Variants in NEO1 observed in about 807,000 individuals in gnomAD.
NEO1 encodes neogenin.
Under a neutral mutation model 159.7 loss-of-function variants are expected in NEO1, and 63 were observed. The observed-to-expected ratio is 0.39, with a 90% CI of 0.32 to 0.49. The LOEUF (loss-of-function observed/expected upper bound fraction) is 0.49. NEO1 is among the 20% of genes least tolerant of loss of function. The pLI, the probability that NEO1 is intolerant of heterozygous loss-of-function variation, is 0.85. For missense variants in NEO1, 1,615 were observed against 1,831.0 expected (o/e 0.88, Z 2.15); for synonymous variants, 633 against 662.0 (o/e 0.96, Z 0.67).
chr15:73,075,610 A>G (rs747139960), intron 1 of NEO1, among the ~76,000 whole-genome samples: 8 of 151,628 alleles, frequency 5.3e-5, no homozygotes, highest in Non-Finnish European at 8.8e-5. Flanking sequence ...TGTCCATTTG[A>G]TAGAGACACT....
intron 7 of NEO1, among the ~76,000 whole-genome samples, chr15:73,218,162 T>C (rs1411028911): frequency 6.6e-6 from 1 of 152,224 alleles, no homozygotes; most frequent in East Asian, 1.9e-4. Context: ...TCAAAGGCCT[T>C]TTCTGCATCT....
chr15:73,123,631 T>G (rs1354091449), intron 3 of NEO1, among the ~76,000 whole-genome samples: 1 of 152,134 alleles, frequency 6.6e-6, no homozygotes, highest in African/African-American at 2.4e-5. Context: ...CATAATCAAT[T>G]TTGTATATCT....
chr15:73,055,762 G>A (rs1038503816), intron 1 of NEO1, among the ~76,000 whole-genome samples: 1 of 152,128 alleles, frequency 6.6e-6, no homozygotes, highest in Non-Finnish European at 1.5e-5. Context: ...GTCTCATGTT[G>A]TTGGAAGGAT....
intron 4 of NEO1, among the ~76,000 whole-genome samples, chr15:73,132,378 TGA>T (rs1312448746): frequency 6.6e-6 from 1 of 152,198 alleles, no homozygotes; most frequent in African/African-American, 2.4e-5. Flanking sequence ...TCACGAAGTC[TGA>T]GTGTGTCATT....
chr15:73,272,384 G>A (rs1282994846), intron 18 of NEO1, 71 bp from the exon 19 acceptor site: 7 of 1,173,000 alleles, frequency 6.0e-6, no homozygotes, highest in East Asian at 2.5e-5. Flanking sequence ...CCTTACAAGT[G>A]GAAAAGGTTG....
chr15:73,150,419 C>T (rs991748919), intron 5 of NEO1, among the ~76,000 whole-genome samples: 1 of 152,068 alleles, frequency 6.6e-6, no homozygotes, highest in African/African-American at 2.4e-5. Context: ...TTGTGTTAGA[C>T]ATTTTTCATA....
At chr15:73,130,553 A>G (rs1240448066) in intron 4 of NEO1, among the ~76,000 whole-genome samples, 2 of 152,104 alleles carry the variant, frequency 1.3e-5, no homozygotes, top group Non-Finnish European at 2.9e-5. Flanking sequence ...GCCCCACCCT[A>G]CCATGCCAGT....
chr15:73,221,340 G>C (rs1361852026), intron 7 of NEO1, among the ~76,000 whole-genome samples: 2 of 152,210 alleles, frequency 1.3e-5, no homozygotes, highest in Non-Finnish European at 2.9e-5. Flanking sequence ...GCCCCTACTG[G>C]AGGGTGCCTC....
At chr15:73,248,022 C>G (rs1029441673) in intron 9 of NEO1, among the ~76,000 whole-genome samples, 1 of 152,164 alleles carries the variant, frequency 6.6e-6, no homozygotes, top group Non-Finnish European at 1.5e-5. Flanking sequence ...GGGTCCACCG[C>G]TAGCTAACTT....
intron 28 of NEO1, among the ~76,000 whole-genome samples, chr15:73,302,339 G>A (rs1465063490): frequency 6.6e-6 from 1 of 152,232 alleles, no homozygotes; most frequent in Non-Finnish European, 1.5e-5. Context: ...AGACCTAGAA[G>A]GGGCAAGCAG....
intron 15 of NEO1, 88 bp from the exon 16 acceptor site, chr15:73,266,228 T>G: frequency 1.0e-6 from 1 of 967,986 alleles, no homozygotes; most frequent in South Asian, 1.9e-5. Context: ...TCTTGAATTC[T>G]TCTGTGGTTA....
intron 6 of NEO1, among the ~76,000 whole-genome samples, chr15:73,177,050 T>C (rs1327177635): frequency 6.6e-6 from 1 of 152,148 alleles, no homozygotes; most frequent in African/African-American, 2.4e-5. Flanking sequence ...CCCTTCAAAA[T>C]AAGGATGACC....
At chr15:73,281,294 C>T (rs1387085656) in intron 22 of NEO1, among the ~76,000 whole-genome samples, 10 of 150,040 alleles carry the variant, frequency 6.7e-5, no homozygotes, top group Admixed American at 6.0e-4. Flanking sequence ...CTTGCTCTGT[C>T]GCCCAGGCTG....
At chr15:73,238,043 A>G (rs2039278845) in intron 8 of NEO1, among the ~76,000 whole-genome samples, 2 of 152,176 alleles carry the variant, frequency 1.3e-5, no homozygotes, top group South Asian at 4.1e-4. Context: ...ACAGTGGGGT[A>G]TCAGAGCCAG....
At chr15:73,271,683 G>A (rs2041175768) in intron 18 of NEO1, among the ~76,000 whole-genome samples, 1 of 152,096 alleles carries the variant, frequency 6.6e-6, no homozygotes, top group Non-Finnish European at 1.5e-5. Flanking sequence ...ATGGTGGGCG[G>A]ATCACCTGAG....
At chr15:73,296,879 T>C in intron 26 of NEO1, among the ~76,000 whole-genome samples, 1 of 152,206 alleles carries the variant, frequency 6.6e-6, no homozygotes, top group East Asian at 1.9e-4. Flanking sequence ...AATGTAAAAC[T>C]TATGAATTAT....
At chr15:73,262,723 C>A (rs890497218) in intron 15 of NEO1, among the ~76,000 whole-genome samples, 4 of 152,064 alleles carry the variant, frequency 2.6e-5, no homozygotes, top group Non-Finnish European at 5.9e-5. Flanking sequence ...CCCAGTAATC[C>A]CACACGTAGA....
chr15:73,278,007 T>C, intron 21 of NEO1, 124 bp from the exon 22 acceptor site: 1 of 747,514 alleles, frequency 1.3e-6, no homozygotes, highest in Non-Finnish European at 2.2e-6. Context: ...ATGTGCTACT[T>C]TATTTTCTCA....
At chr15:73,268,287 A>C (rs555167889) in intron 16 of NEO1, among the ~76,000 whole-genome samples, 2 of 152,324 alleles carry the variant, frequency 1.3e-5, no homozygotes, top group East Asian at 3.9e-4. Context: ...ATAGTAAAAA[A>C]CAAATTTGAC....
Sources: gnomAD v4.1 joint callset for allele counts (sites outside exome capture counted in the v4.1 genomes callset) on GRCh38, gnomAD v4.1.1 for gene constraint, MANE v1.5 for transcripts, NCBI Gene and HGNC (gene_info 2026-07-23, HGNC 2026-07-21) for gene names.